Variants in ITPR2 observed in about 807,000 individuals in gnomAD.
ITPR2 encodes inositol 1,4,5-trisphosphate receptor type 2.
In ITPR2, 207 loss-of-function variants were observed where a neutral mutation model predicts 317.1. The ratio of observed to expected loss-of-function variants is 0.65; its 90% confidence interval spans 0.58 to 0.73. The LOEUF is 0.73. Ranked by LOEUF, ITPR2 falls within the 30% of genes least tolerant of loss-of-function variation. The pLI is 0.00. For synonymous variants in ITPR2, 1,156 were observed against 1,149.1 expected (o/e 1.01, Z -0.12); for missense variants, 2,613 against 3,284.0 (o/e 0.80, Z 4.99).
intron 2 of ITPR2, among the ~76,000 whole-genome samples, chr12:26,788,227 G>C (rs769607299): frequency 6.6e-6 from 1 of 152,148 alleles, no homozygotes; most frequent in Admixed American, 6.5e-5. Context: ...CGGCCCATTT[G>C]TTTAATGACT....
chr12:26,660,756 C>T (rs1449567), intron 15 of ITPR2, among the ~76,000 whole-genome samples: 127,750 of 152,048 alleles, frequency 0.84, 53,719 homozygotes, highest in Admixed American at 0.89. Flanking sequence ...TACTCTGGTA[C>T]AAGGCAAACA....
intron 36 of ITPR2, 32 bp from the exon 37 acceptor site, chr12:26,550,387 C>T (rs1432643995): frequency 1.1e-6 from 1 of 904,332 alleles, no homozygotes; most frequent in Admixed American, 1.9e-5. Flanking sequence ...TTTAGAAAGA[C>T]AGTGATTTCT....
intron 21 of ITPR2, among the ~76,000 whole-genome samples, chr12:26,644,732 C>T (rs1195985910): frequency 2.0e-5 from 3 of 152,156 alleles, no homozygotes; most frequent in Non-Finnish European, 4.4e-5. Context: ...CCTCCCATGA[C>T]ACGTGGGAAT....
chr12:26,605,126 A>AAAAAAATATATATATATATATATATATAT (rs1555165395), intron 26 of ITPR2, among the ~76,000 whole-genome samples: 3 of 136,306 alleles, frequency 2.2e-5, no homozygotes, highest in Non-Finnish European at 3.2e-5. Flanking sequence ...AAAAAATAAA[A>AAAAAAATATATATATATATATATATATAT]ATATATATAT....
intron 35 of ITPR2, among the ~76,000 whole-genome samples, chr12:26,559,446 G>A (rs1944753041): frequency 6.6e-6 from 1 of 152,200 alleles, no homozygotes; most frequent in Non-Finnish European, 1.5e-5. Context: ...GGTTCATAGA[G>A]GGTACTTCTC....
chr12:26,504,160 T>C (rs897659443), intron 37 of ITPR2, among the ~76,000 whole-genome samples: 4 of 152,216 alleles, frequency 2.6e-5, no homozygotes, highest in African/African-American at 7.2e-5. Flanking sequence ...CAATATTCCA[T>C]GTTCTGTGGG....
intron 49 of ITPR2, among the ~76,000 whole-genome samples, chr12:26,424,479 T>C (rs962090490): frequency 6.6e-6 from 1 of 152,138 alleles, no homozygotes; most frequent in Non-Finnish European, 1.5e-5. Flanking sequence ...AGGTACAAGA[T>C]ATGACTAATT....
intron 1 of ITPR2, among the ~76,000 whole-genome samples, chr12:26,828,111 G>T (rs1951035775): frequency 6.6e-6 from 1 of 152,136 alleles, no homozygotes; most frequent in Non-Finnish European, 1.5e-5. Flanking sequence ...CATGAAAAAA[G>T]AATAAACGAT....
At chr12:26,656,630 T>C in intron 18 of ITPR2, 82 bp from the exon 19 acceptor site, 1 of 1,374,632 alleles carries the variant, frequency 7.3e-7, no homozygotes, top group South Asian at 1.3e-5. Context: ...GTATCTATGT[T>C]TAAGACACCT....
chr12:26,752,118 G>T (rs16931330), intron 2 of ITPR2, among the ~76,000 whole-genome samples: 2,482 of 152,142 alleles, frequency 0.016, 61 homozygotes, highest in African/African-American at 0.055. Flanking sequence ...AGCCCTCTTT[G>T]TTAGTAATTA....
At position 26,525,693 on chromosome 12, in the gene ITPR2, C is replaced by T. The variant is rs551200678; in HGVS notation, c.5073+24554G>A. Among the ~76,000 whole-genome samples the T allele has an allele frequency of 3.3e-5, 5 of 152,292 alleles. No individual in the cohort carries two copies. In the East Asian group the frequency reaches 9.6e-4, roughly 29 times the overall value. Reference sequence around the variant, plus strand: ...GTATTCTAGATGATTTGTTCACAAACCACATCCTGAACAAAATATTTTTCA... The same window carrying T: ...GTATTCTAGATGATTTGTTCACAAATCACATCCTGAACAAAATATTTTTCA... On this transcript the variant is annotated intron_variant, in intron 37 of 56. Coordinates refer to ENST00000381340, the MANE Select transcript of ITPR2 (RefSeq NM_002223.4).
At chr12:26,692,256 G>A (rs1365060042) in intron 10 of ITPR2, among the ~76,000 whole-genome samples, 3 of 152,158 alleles carry the variant, frequency 2.0e-5, no homozygotes, top group Non-Finnish European at 2.9e-5. Context: ...TTGCCCCCAG[G>A]GGGCATTGGC....
chr12:26,629,006 C>G (rs566476674), intron 22 of ITPR2, among the ~76,000 whole-genome samples: 87 of 152,312 alleles, frequency 5.7e-4, no homozygotes, highest in Admixed American at 4.9e-3. Flanking sequence ...TTTGTTTCAG[C>G]ATAATTATTA....
At chr12:26,763,659 C>T (rs1162193292) in intron 2 of ITPR2, among the ~76,000 whole-genome samples, 2 of 152,094 alleles carry the variant, frequency 1.3e-5, no homozygotes, top group Non-Finnish European at 2.9e-5. Flanking sequence ...TTCTTCCCCA[C>T]TTCCATTGTT....
At chr12:26,683,206 C>T (rs947269000) in intron 11 of ITPR2, among the ~76,000 whole-genome samples, 2 of 152,038 alleles carry the variant, frequency 1.3e-5, no homozygotes, top group African/African-American at 4.8e-5. Flanking sequence ...ATTTGTAGCC[C>T]CCAAATCAAT....
intron 37 of ITPR2, among the ~76,000 whole-genome samples, chr12:26,532,279 T>C (rs993509416): frequency 2.6e-5 from 4 of 152,236 alleles, no homozygotes; most frequent in Non-Finnish European, 5.9e-5. Flanking sequence ...TTTTAAAAAC[T>C]GACCACTTGC....
intron 21 of ITPR2, among the ~76,000 whole-genome samples, chr12:26,637,106 T>C (rs1391215628): frequency 6.6e-6 from 1 of 152,182 alleles, no homozygotes; most frequent in Admixed American, 6.5e-5. Flanking sequence ...TTATTACATA[T>C]CATGTGCCAC....
At chr12:26,830,560 T>C (rs950851149) in intron 1 of ITPR2, among the ~76,000 whole-genome samples, 21 of 152,240 alleles carry the variant, frequency 1.4e-4, no homozygotes, top group Admixed American at 1.3e-4. Flanking sequence ...TTCATTTCTC[T>C]TAACCTCAAT....
chr12:26,507,661 C>A (rs1242613289), intron 37 of ITPR2, among the ~76,000 whole-genome samples: 2 of 152,078 alleles, frequency 1.3e-5, no homozygotes, highest in South Asian at 4.1e-4. Context: ...CTGGAAAAAA[C>A]AAGATGAAAC....
Sources: allele counts gnomAD v4.1 joint callset (sites outside exome capture counted in the v4.1 genomes callset), GRCh38; gene constraint gnomAD v4.1.1; transcripts MANE v1.5; gene names NCBI Gene and HGNC (gene_info 2026-07-23, HGNC 2026-07-21).